The following ANXA10 variants were observed in gnomAD, a reference collection of about 807,000 sequenced individuals.
ANXA10 encodes the protein annexin A10, also known as annexin 14.
Under a neutral mutation model 53.5 loss-of-function variants are expected in ANXA10, and 49 were observed. That is an observed-to-expected ratio of 0.92 (90% CI 0.73 to 1.16). The LOEUF (loss-of-function observed/expected upper bound fraction) is 1.16, where lower values mean the gene tolerates loss of function less well. Ranked by LOEUF, ANXA10 falls within the 50% of genes most tolerant of loss-of-function variation. The probability of loss-of-function intolerance (pLI) is 0.00; values close to 1 mark genes in which losing one functional copy is unlikely to be tolerated. For synonymous variants in ANXA10, 131 were observed against 128.9 expected (o/e 1.02, Z -0.11); for missense variants, 393 against 394.4 (o/e 1.00, Z 0.03).
At chr4:168,108,947 T>C (rs913805015) in intron 1 of ANXA10, among the ~76,000 whole-genome samples, 6 of 152,178 alleles carry the variant, frequency 3.9e-5, no homozygotes. Flanking sequence ...CTCATCTAGG[T>C]TGGTAAGTGG....
At chr4:168,136,722 A>C (rs1731243503) in intron 2 of ANXA10, among the ~76,000 whole-genome samples, 1 of 152,156 alleles carries the variant, frequency 6.6e-6, no homozygotes, top group East Asian at 1.9e-4. Context: ...TGCATGGTGC[A>C]AGATGTCAGT....
intron 1 of ANXA10, among the ~76,000 whole-genome samples, chr4:168,123,874 G>A (rs933885020): frequency 2.6e-5 from 4 of 152,052 alleles, no homozygotes; most frequent in African/African-American, 2.4e-5. Context: ...TCACAGAGAG[G>A]AATTTTGCCT....
intron 3 of ANXA10, among the ~76,000 whole-genome samples, chr4:168,149,083 T>G (rs1731452639): frequency 6.6e-6 from 1 of 152,206 alleles, no homozygotes; most frequent in Non-Finnish European, 1.5e-5. Flanking sequence ...CTCTGGATGC[T>G]TTTAAGATAG....
At chr4:168,185,489 T>TA (rs1264248887) in intron 11 of ANXA10, among the ~76,000 whole-genome samples, 2 of 152,228 alleles carry the variant, frequency 1.3e-5, no homozygotes, top group Non-Finnish European at 2.9e-5. Context: ...CTTATCCCTT[T>TA]AGCCCTTGAA....
chr4:168,136,438 A>G (rs994260510), intron 2 of ANXA10, among the ~76,000 whole-genome samples: 4 of 152,216 alleles, frequency 2.6e-5, no homozygotes, highest in African/African-American at 9.6e-5. Context: ...CAATTGGGGT[A>G]CAGGTATTGG....
At chr4:168,180,337 C>T (rs1442759715) in intron 9 of ANXA10, among the ~76,000 whole-genome samples, 1 of 152,154 alleles carries the variant, frequency 6.6e-6, no homozygotes, top group Admixed American at 6.5e-5. Flanking sequence ...TAACTGCCTC[C>T]AAGCCTATCA....
chr4:168,129,881 C>A (rs1248156815), intron 2 of ANXA10, among the ~76,000 whole-genome samples: 1 of 152,136 alleles, frequency 6.6e-6, no homozygotes, highest in Non-Finnish European at 1.5e-5. Flanking sequence ...CCCATGCATT[C>A]TTATAACCAT....
intron 9 of ANXA10, among the ~76,000 whole-genome samples, chr4:168,179,559 T>C (rs1237485472): frequency 6.6e-6 from 1 of 152,224 alleles, no homozygotes; most frequent in Non-Finnish European, 1.5e-5. Flanking sequence ...TCAACTTTCA[T>C]ACCAGAAAAC....
intron 2 of ANXA10, among the ~76,000 whole-genome samples, chr4:168,137,959 C>CT (rs773199047): frequency 0.012 from 1,695 of 139,206 alleles, 9 homozygotes; most frequent in Middle Eastern, 0.049. Flanking sequence ...GTTATTTTAA[C>CT]TTTTTTTTTT....
intron 8 of ANXA10, chr4:168,178,338 A>T (rs952509941): frequency 8.5e-6 from 2 of 234,578 alleles, no homozygotes; most frequent in African/African-American, 4.6e-5. Flanking sequence ...TACTGCATCA[A>T]GGCCATTAGT....
At chr4:168,164,001 T>C (rs1055009345) in intron 4 of ANXA10, among the ~76,000 whole-genome samples, 197 bp from the exon 5 acceptor site, 1 of 152,188 alleles carries the variant, frequency 6.6e-6, no homozygotes, top group Non-Finnish European at 1.5e-5. Context: ...CTTCAGATAA[T>C]ATTAATTCTT....
intron 3 of ANXA10, 32 bp from the exon 4 acceptor site, chr4:168,162,494 CAT>C: frequency 6.7e-7 from 1 of 1,494,028 alleles, no homozygotes; most frequent in Non-Finnish European, 9.3e-7. Context: ...AATTTGGTAA[CAT>C]ATAATAAATA....
In ANXA10 at chr4:168,155,874, ATTATATGTTAT is replaced by A. The variant is rs1305978941; in HGVS notation, c.196-6653_196-6643del. ...ATATATCATATATGATATATCATATATTATATGTTATATATAATATATGATATATCATATAT... is the reference window on the plus strand; with the variant it reads ...ATATATCATATATGATATATCATATAATATAATATATGATATATCATATAT... On this transcript the variant is annotated intron_variant, in intron 3 of 11. Transcript: ENST00000359299. 7.7e-3 allele frequency among the ~76,000 whole-genome samples: 261 copies of A among 33,842 alleles called. 37 individuals carry two copies. The highest frequency in any genetic ancestry group is 0.034 in the African/African-American group (247 of 7,208). 22.2% of individuals were successfully genotyped at this position (33,842 alleles called of 152,430 possible).
intron 1 of ANXA10, among the ~76,000 whole-genome samples, chr4:168,119,547 C>T (rs2149468070): frequency 6.6e-6 from 1 of 152,210 alleles, no homozygotes; most frequent in African/African-American, 2.4e-5. Context: ...TAGGTACCTG[C>T]ATTTAATAGC....
chr4:168,124,674 A>C (rs1234948652), intron 1 of ANXA10, among the ~76,000 whole-genome samples: 1 of 152,176 alleles, frequency 6.6e-6, no homozygotes, highest in Non-Finnish European at 1.5e-5. Flanking sequence ...AATGGGATGT[A>C]ATTAAAGCTA....
chr4:168,144,066 G>A (rs527340366), intron 3 of ANXA10, among the ~76,000 whole-genome samples: 7 of 152,320 alleles, frequency 4.6e-5, no homozygotes, highest in South Asian at 2.1e-4. Context: ...AGGAAGTCCA[G>A]GGCAAGCCTA....
intron 1 of ANXA10, among the ~76,000 whole-genome samples, chr4:168,095,506 CAT>C (rs1472966765): frequency 1.3e-5 from 2 of 151,876 alleles, no homozygotes. Flanking sequence ...ATTATACAAA[CAT>C]ATAGAAATTA....
At chr4:168,151,793 T>C (rs1158375628) in intron 3 of ANXA10, among the ~76,000 whole-genome samples, 2 of 152,240 alleles carry the variant, frequency 1.3e-5, no homozygotes, top group Admixed American at 1.3e-4. Flanking sequence ...GATAATAGCA[T>C]GCTATTCCCA....
chr4:168,122,035 G>A (rs117620542), intron 1 of ANXA10, among the ~76,000 whole-genome samples: 1 of 152,060 alleles, frequency 6.6e-6, no homozygotes, highest in East Asian at 1.9e-4. Context: ...TACAGATGGC[G>A]TTTCACCATC....
Sources: allele counts gnomAD v4.1 joint callset (sites outside exome capture counted in the v4.1 genomes callset), GRCh38; gene constraint gnomAD v4.1.1; transcripts MANE v1.5; gene names NCBI Gene and HGNC (gene_info 2026-07-23, HGNC 2026-07-21).